KCNQ3: variants seen among roughly 807,000 people sequenced by gnomAD.
The protein encoded by KCNQ3 is potassium voltage-gated channel subfamily KQT member 3.
A neutral mutation model predicts 92.5 loss-of-function variants in KCNQ3; 30 were observed. That is an observed-to-expected ratio of 0.32 (90% CI 0.24 to 0.44). The LOEUF (loss-of-function observed/expected upper bound fraction) is 0.44, where lower values mean the gene tolerates loss of function less well. KCNQ3 is among the 20% of genes least tolerant of loss of function. KCNQ3 has a pLI of 1.00. For missense variants in KCNQ3, 913 were observed against 1,140.3 expected, an observed-to-expected ratio of 0.80 and a Z score of 2.87; for synonymous variants, 450 against 468.8, an observed-to-expected ratio of 0.96 and a Z score of 0.52.
intron 11 of KCNQ3, among the ~76,000 whole-genome samples, chr8:132,138,720 C>A (rs549712385): frequency 1.4e-4 from 22 of 152,336 alleles, no homozygotes; most frequent in African/African-American, 5.1e-4. Context: ...AATCACAGGT[C>A]AGTGTCAGGA....
chr8:132,451,174 A>G (rs1213862622), intron 1 of KCNQ3, among the ~76,000 whole-genome samples: 3 of 152,132 alleles, frequency 2.0e-5, no homozygotes, highest in East Asian at 1.9e-4. Context: ...AGATGTGACA[A>G]TTTTATAAAG....
At chr8:132,243,199 G>C (rs1193042762) in intron 1 of KCNQ3, among the ~76,000 whole-genome samples, 1 of 152,240 alleles carries the variant, frequency 6.6e-6, no homozygotes, top group African/African-American at 2.4e-5. Flanking sequence ...CCATTCTACA[G>C]ATGAGCAACT....
chr8:132,236,584 A>G (rs1453161007), intron 1 of KCNQ3, among the ~76,000 whole-genome samples: 1 of 152,162 alleles, frequency 6.6e-6, no homozygotes, highest in Non-Finnish European at 1.5e-5. Flanking sequence ...TTATCTCTTT[A>G]TAAACCCATG....
chr8:132,203,592 A>G (rs1388234013), intron 1 of KCNQ3, among the ~76,000 whole-genome samples: 3 of 152,222 alleles, frequency 2.0e-5, no homozygotes, highest in African/African-American at 7.2e-5. Flanking sequence ...TTATCATTTG[A>G]AACATAAATT....
intron 1 of KCNQ3, among the ~76,000 whole-genome samples, chr8:132,254,100 A>C (rs1279277266): frequency 6.6e-6 from 1 of 152,224 alleles, no homozygotes; most frequent in Non-Finnish European, 1.5e-5. Context: ...AACTTGTTAA[A>C]AATTCAGACT....
At chr8:132,412,340 C>T (rs769931319) in intron 1 of KCNQ3, among the ~76,000 whole-genome samples, 2 of 152,070 alleles carry the variant, frequency 1.3e-5, no homozygotes, top group Non-Finnish European at 2.9e-5. Context: ...TGCATCTCCC[C>T]TTCTGGGTGA....
At chr8:132,451,577 TG>T (rs1466319228) in intron 1 of KCNQ3, among the ~76,000 whole-genome samples, 1 of 152,184 alleles carries the variant, frequency 6.6e-6, no homozygotes, top group Admixed American at 6.5e-5. Flanking sequence ...TGGCTAAGGA[TG>T]CAGATGTACA....
chr8:132,465,267 A>G (rs1382512274), intron 1 of KCNQ3, among the ~76,000 whole-genome samples: 2 of 152,202 alleles, frequency 1.3e-5, no homozygotes, highest in Admixed American at 6.5e-5. Flanking sequence ...CACATTATAA[A>G]TTAGTTAAGA....
chr8:132,161,028 A>G (rs1481674643), intron 9 of KCNQ3, among the ~76,000 whole-genome samples: 1 of 152,008 alleles, frequency 6.6e-6, no homozygotes, highest in African/African-American at 2.4e-5. Flanking sequence ...TTAGCATAAA[A>G]TTATCAAAGC....
intron 1 of KCNQ3, among the ~76,000 whole-genome samples, chr8:132,351,102 T>C (rs1818851101): frequency 6.6e-6 from 1 of 152,106 alleles, no homozygotes; most frequent in African/African-American, 2.4e-5. Context: ...ACAGATCCCA[T>C]TAATACAACT....
At chr8:132,189,888 C>CAAAAAAAA (rs776683880) in intron 1 of KCNQ3, among the ~76,000 whole-genome samples, 2 of 64,062 alleles carry the variant, frequency 3.1e-5, no homozygotes, top group African/African-American at 7.9e-5. Context: ...TAAAAATGAC[C>CAAAAAAAA]AAAAAAAAAA....
At chr8:132,451,096 T>A (rs553558238) in intron 1 of KCNQ3, among the ~76,000 whole-genome samples, 49 of 152,288 alleles carry the variant, frequency 3.2e-4, no homozygotes, top group African/African-American at 1.0e-3. Context: ...AGGGACCCGG[T>A]GGGAGGTAAC....
chr8:132,247,347 T>G (rs1815213692), intron 1 of KCNQ3, among the ~76,000 whole-genome samples: 1 of 152,182 alleles, frequency 6.6e-6, no homozygotes, highest in Admixed American at 6.5e-5. Context: ...AGAGGCAGAG[T>G]GACTCATTAG....
chr8:132,336,470 T>C (rs1180002006), intron 1 of KCNQ3, among the ~76,000 whole-genome samples: 1 of 152,168 alleles, frequency 6.6e-6, no homozygotes, highest in Non-Finnish European at 1.5e-5. Context: ...GGTTGGAGGA[T>C]AATATTCATG....
chr8:132,250,546 T>G (rs1815371807), intron 1 of KCNQ3, among the ~76,000 whole-genome samples: 1 of 152,200 alleles, frequency 6.6e-6, no homozygotes, highest in African/African-American at 2.4e-5. Context: ...AAAACAAGGC[T>G]AAAGCTACCT....
At chr8:132,460,636 T>C (rs1822040383) in intron 1 of KCNQ3, among the ~76,000 whole-genome samples, 3 of 152,200 alleles carry the variant, frequency 2.0e-5, no homozygotes, top group Admixed American at 2.0e-4. Flanking sequence ...ACCTTCTCCC[T>C]CCATCACCTT....
chr8:132,467,531 G>A (rs772780894), intron 1 of KCNQ3, among the ~76,000 whole-genome samples: 1 of 152,078 alleles, frequency 6.6e-6, no homozygotes, highest in Non-Finnish European at 1.5e-5. Context: ...GAAAAAGGGG[G>A]ATCTTAGCTC....
intron 1 of KCNQ3, among the ~76,000 whole-genome samples, chr8:132,441,581 CA>C (rs1253926138): frequency 9.9e-5 from 9 of 90,752 alleles, no homozygotes; most frequent in African/African-American, 3.9e-4. Flanking sequence ...AAAAACAAAA[CA>C]AAACAAACAA....
chr8:132,214,599 A>G (rs1352301570), intron 1 of KCNQ3, among the ~76,000 whole-genome samples: 1 of 151,962 alleles, frequency 6.6e-6, no homozygotes, highest in Non-Finnish European at 1.5e-5. Context: ...AATTGGTAGC[A>G]CTTGCAAAGC....
Sources: allele counts gnomAD v4.1 joint callset (sites outside exome capture counted in the v4.1 genomes callset), GRCh38; gene constraint gnomAD v4.1.1; transcripts MANE v1.5; gene names NCBI Gene and HGNC (gene_info 2026-07-23, HGNC 2026-07-21).